CARS2: variants seen among roughly 807,000 people sequenced by gnomAD.
The protein encoded by CARS2 is probable cysteine--tRNA ligase, mitochondrial.
A neutral mutation model predicts 68.8 loss-of-function variants in CARS2; 52 were observed. That is an observed-to-expected ratio of 0.76 (90% confidence interval 0.61 to 0.95). The LOEUF is 0.95. CARS2 is among the 40% of genes least tolerant of loss of function. CARS2 has a pLI of 0.00. For missense variants in CARS2, 780 were observed against 754.2 expected (o/e 1.03, Z -0.40); for synonymous variants, 314 against 303.6 (o/e 1.03, Z -0.36).
At chr13:110,672,284 A>C (rs1413273581) in intron 7 of CARS2, among the ~76,000 whole-genome samples, 4 of 152,238 alleles carry the variant, frequency 2.6e-5, no homozygotes, top group Admixed American at 1.3e-4. Context: ...ACCACATCGC[A>C]CTTATTCCAA....
At chr13:110,642,615 C>T (rs556039252) in intron 13 of CARS2, 94 bp from the exon 14 acceptor site, 5 of 1,232,656 alleles carry the variant, frequency 4.1e-6, no homozygotes, top group African/African-American at 1.5e-5. Context: ...CCGACACCCA[C>T]CCAGCCCTGG....
intron 2 of CARS2, among the ~76,000 whole-genome samples, chr13:110,702,980 G>T (rs1242622614): frequency 6.6e-6 from 1 of 152,106 alleles, no homozygotes; most frequent in Non-Finnish European, 1.5e-5. Flanking sequence ...GCTCCAGTGT[G>T]ACTCCGTCTA....
intron 3 of CARS2, among the ~76,000 whole-genome samples, chr13:110,690,105 G>A (rs2063415206): frequency 6.6e-6 from 1 of 152,148 alleles, no homozygotes; most frequent in Non-Finnish European, 1.5e-5. Context: ...GCAGGCGCCT[G>A]TAATCCCAGC....
At chr13:110,690,189 C>G (rs1460350892) in intron 3 of CARS2, among the ~76,000 whole-genome samples, 4 of 152,142 alleles carry the variant, frequency 2.6e-5, no homozygotes, top group Non-Finnish European at 5.9e-5. Context: ...CACTGCCCTA[C>G]TGCACTCTAG....
chr13:110,698,924 A>G (rs2139915361), intron 3 of CARS2, among the ~76,000 whole-genome samples: 1 of 152,198 alleles, frequency 6.6e-6, no homozygotes, highest in African/African-American at 2.4e-5. Context: ...AGGTGGGAGA[A>G]CAGCTTGAGC....
intron 3 of CARS2, among the ~76,000 whole-genome samples, chr13:110,697,465 C>CA (rs2063655730): frequency 2.0e-5 from 3 of 152,224 alleles, no homozygotes; most frequent in Admixed American, 2.0e-4. Flanking sequence ...TATTTAGAGA[C>CA]AGAGTCTCAC....
chr13:110,707,883 G>A (rs1456100969), upstream of CARS2, among the ~76,000 whole-genome samples: 1 of 152,162 alleles, frequency 6.6e-6, no homozygotes, highest in Non-Finnish European at 1.5e-5. Flanking sequence ...TCTGTTTCAA[G>A]CTAACTGTAG....
At chr13:110,672,027 T>C (rs906030231) in intron 7 of CARS2, among the ~76,000 whole-genome samples, 28 of 152,212 alleles carry the variant, frequency 1.8e-4, no homozygotes, top group African/African-American at 6.8e-4. Flanking sequence ...ATCCTAAATA[T>C]ATATGCACCT....
At position 110,667,374 on chromosome 13, in the gene CARS2, C is replaced by T. The variant is rs755212354; in HGVS notation, c.885G>A (p.Gln295=). 10 of 1,613,558 alleles carry T rather than the reference C, an allele frequency of 6.2e-6. No individual in the cohort carries two copies. Among genetic ancestry groups the T allele is most frequent in the Non-Finnish European group, 3.4e-6 (4 of 1,179,764 alleles). ...GAAAATAATTTCCCCACTGCTCGCA[C>T]TGATGAAAGACTTCGCACTGTGCAA... ...NEIAQCEVFH[Q]CEQWGNYFLH... is the part of the protein sequence containing the mutation. Residue 295 remains glutamine (Q), a synonymous_variant, in exon 8 of 15, where the codon CAG becomes CAA. Coordinates refer to ENST00000257347, the MANE Select transcript of CARS2 (RefSeq NM_024537.4).
At chr13:110,707,555 G>A (rs1296752942), upstream of CARS2, 1 of 151,756 alleles carries the variant, frequency 6.6e-6, no homozygotes, top group Non-Finnish European at 1.5e-5. Flanking sequence ...GCTGAGACAA[G>A]AGAATCGCTT....
intron 3 of CARS2, among the ~76,000 whole-genome samples, chr13:110,695,295 A>C (rs887725713): frequency 1.1e-4 from 17 of 152,270 alleles, no homozygotes; most frequent in African/African-American, 4.1e-4. Flanking sequence ...CTAAATAAAT[A>C]ATAAAAAATA....
chr13:110,680,108 G>A (rs1013961132), intron 6 of CARS2, among the ~76,000 whole-genome samples: 1 of 145,192 alleles, frequency 6.9e-6, no homozygotes, highest in African/African-American at 2.5e-5. Flanking sequence ...GGCCAGGCAC[G>A]GTGGCTCACA....
chr13:110,705,672 TG>T lies in CARS2; in HGVS notation c.225-102del, dbSNP rs1566365386. Reference sequence around the variant, plus strand: ...ATATAATTTTTAAAGTAATCACTTCTGGGGGATGAATAGCCGGGGTTTTCAT... The same window carrying T: ...ATATAATTTTTAAAGTAATCACTTCTGGGGATGAATAGCCGGGGTTTTCAT... On this transcript the variant is annotated intron_variant, in intron 1 of 14. Transcript: ENST00000257347. The surrounding 1 kb of genome is among the most constrained non-coding windows in gnomAD (Gnocchi z 4.0). The T allele has an allele frequency of 6.8e-7, 1 of 1,473,312 alleles. No homozygotes were observed. 91.3% of individuals were successfully genotyped at this position (1,473,312 alleles called of 1,614,324 possible).
At chr13:110,675,250 C>T (rs1260145417) in intron 7 of CARS2, among the ~76,000 whole-genome samples, 6 of 152,324 alleles carry the variant, frequency 3.9e-5, no homozygotes, top group African/African-American at 1.4e-4. Flanking sequence ...TATAAAGACA[C>T]ATGCACACGT....
chr13:110,663,893 A>T, intron 8 of CARS2: 1 of 1,021,066 alleles, frequency 9.8e-7, no homozygotes, highest in Non-Finnish European at 1.2e-6. Flanking sequence ...GAAACGACAA[A>T]GCTCTCATTT....
chr13:110,678,921 G>A (rs2063053918), intron 6 of CARS2, among the ~76,000 whole-genome samples: 1 of 152,190 alleles, frequency 6.6e-6, no homozygotes, highest in African/African-American at 2.4e-5. Flanking sequence ...GGGGCGGGGA[G>A]GAGGCACGTG....
At chr13:110,660,895 G>A (rs571078396) in intron 9 of CARS2, among the ~76,000 whole-genome samples, 2 of 151,630 alleles carry the variant, frequency 1.3e-5, no homozygotes, top group East Asian at 3.9e-4. Context: ...CCAAGTAGCT[G>A]AGATTACAGG....
intron 9 of CARS2, among the ~76,000 whole-genome samples, chr13:110,657,480 C>T (rs888753311): frequency 4.6e-5 from 7 of 152,140 alleles, no homozygotes; most frequent in East Asian, 3.8e-4. Context: ...CCTGGGGGAC[C>T]GGAGCCAGTC....
rs1268445524 is a variant in CARS2, at chr13:110,668,814, AGAG to A, written c.786-1344_786-1342del. 6.6e-6 allele frequency among the ~76,000 whole-genome samples: 1 copy of A among 152,248 alleles called. No homozygotes were observed. The highest frequency in any genetic ancestry group is 1.5e-5 in the Non-Finnish European group (1 of 68,040). On this transcript the variant is annotated intron_variant, in intron 7 of 14. Transcript: ENST00000257347. The surrounding 1 kb of genome is among the most constrained non-coding windows in gnomAD (Gnocchi z 4.1). ...TCTACGTTACACCTATTTTAAAATC[AGAG>A]AAGGCTCAGAAGGAACAACAATAAT...
Sources: gnomAD v4.1 joint callset for allele counts (sites outside exome capture counted in the v4.1 genomes callset) on GRCh38, gnomAD v4.1.1 for gene constraint, Gnocchi (gnomAD v3.1) non-coding constraint, MANE v1.5 for transcripts, NCBI Gene and HGNC (gene_info 2026-07-23, HGNC 2026-07-21) for gene names.